The following PTCHD1 variants were observed in gnomAD, a reference collection of about 807,000 sequenced individuals.
The protein encoded by PTCHD1 is patched domain-containing protein 1.
In PTCHD1, 3 loss-of-function variants were observed where a neutral mutation model predicts 34.6. The observed-to-expected ratio is 0.09, with a 90% CI of 0.04 to 0.22. PTCHD1 has a LOEUF of 0.22. Ranked by LOEUF, PTCHD1 falls within the 10% of genes least tolerant of loss-of-function variation. PTCHD1 has a pLI of 1.00. For synonymous variants in PTCHD1, 305 were observed against 283.1 expected, an observed-to-expected ratio of 1.08 and a Z score of -0.77; for missense variants, 504 against 685.5, an observed-to-expected ratio of 0.74 and a Z score of 2.96.
chrX:23,362,246 T>C (rs1416909155), intron 1 of PTCHD1, among the ~76,000 whole-genome samples: 2 of 112,355 alleles, frequency 1.8e-5, no homozygotes, highest in Non-Finnish European at 3.8e-5. Context: ...GAAGAGTGTT[T>C]TCCAACTTGG....
At chrX:23,376,853 G>A (rs1271527631) in intron 1 of PTCHD1, among the ~76,000 whole-genome samples, 3 of 112,301 alleles carry the variant, frequency 2.7e-5, no homozygotes, top group East Asian at 2.8e-4. Context: ...CCACTCTGTC[G>A]GAAAGTCAAG....
Position 23,335,051 on chromosome X carries a change from A to T in PTCHD1, c.176A>T (p.Gln59Leu). Residue 59 changes from glutamine (Q) to leucine (L), a missense_variant, in exon 1 of 3, where the codon CAG becomes CTG. Coordinates refer to ENST00000379361, the MANE Select transcript of PTCHD1 (RefSeq NM_173495.3). ...AGCGTGGAGCACCTGCTGGCGCCCCAGCACAGCCTGGCCAAGATCGAGCGC... is the reference window on the plus strand; with the variant it reads ...AGCGTGGAGCACCTGCTGGCGCCCCTGCACAGCCTGGCCAAGATCGAGCGC... Reference protein sequence around the residue: ...EESVEHLLAPQHSLAKIERNL... With the variant: ...EESVEHLLAPLHSLAKIERNL... The T allele has an allele frequency of 2.5e-6, 3 of 1,211,307 alleles. No homozygotes were observed. Among genetic ancestry groups the T allele is most frequent in the East Asian group, 3.0e-5 (1 of 33,783 alleles).
chrX:23,358,176 G>T (rs1921862330), intron 1 of PTCHD1, among the ~76,000 whole-genome samples: 1 of 111,697 alleles, frequency 9.0e-6, no homozygotes, highest in South Asian at 3.8e-4. Flanking sequence ...ATATACCCAG[G>T]AATGAGATCG....
rs1922413931 is a variant in PTCHD1, at chrX:23,376,355, G to C, written c.352-3236G>C. Among the ~76,000 whole-genome samples, 3 of 111,782 alleles carry C rather than the reference G, an allele frequency of 2.7e-5. No individual in the cohort carries two copies. In the South Asian group the frequency reaches 1.1e-3, roughly 43 times the overall value. On this transcript the variant is annotated intron_variant, in intron 1 of 2. Coordinates refer to ENST00000379361, the MANE Select transcript of PTCHD1 (RefSeq NM_173495.3). ...CGTCTCTTACCTAGTTCAATAACAA[G>C]CTTATATGGATCGCAGTTGTCCATT...
rs1923062915 is a variant in PTCHD1 at position 23,399,144 on chromosome X, G to C, written c.*4959G>C. 8.9e-6 allele frequency: 1 copy of C among 111,941 alleles called. No homozygotes were observed. Among genetic ancestry groups the C allele is most frequent in the African/African-American group, 3.3e-5 (1 of 30,752 alleles). The allele number at this position is 111,941 out of a possible 1,213,427, so 9.2% of individuals were successfully genotyped here. On this transcript the variant is annotated 3_prime_UTR_variant, in exon 3 of 3. Transcript: ENST00000379361. ...TCCTTCCAGAATGCTGACACCAGAT[G>C]AATCTTTGGTTAGAATTAAGCCTAC...
Position 23,397,492 on chromosome X carries a change from T to C in PTCHD1, c.*3307T>C, listed in dbSNP as rs1179941872. ...ATAAGTTTTACTTTGTTTTGGGTTT[T>C]GGAGTTTTTAGTTTCTTTGATGTTT... On this transcript the variant is annotated 3_prime_UTR_variant, in exon 3 of 3. Coordinates refer to ENST00000379361, the MANE Select transcript of PTCHD1 (RefSeq NM_173495.3). The C allele has an allele frequency of 8.9e-6, 1 of 112,151 alleles. No homozygotes were observed. Among genetic ancestry groups the C allele is most frequent in the Non-Finnish European group, 1.9e-5 (1 of 53,261 alleles). The allele number at this position is 112,151 out of a possible 1,213,427, so 9.2% of individuals were successfully genotyped here. A position where few individuals can be genotyped will look rare whatever the true frequency, so the allele number is the denominator to read the frequency against.
chrX:23,369,799 A>C (rs1404006784), intron 1 of PTCHD1, among the ~76,000 whole-genome samples: 1 of 111,738 alleles, frequency 8.9e-6, no homozygotes, highest in Non-Finnish European at 1.9e-5. Flanking sequence ...CTTGGAGCTT[A>C]TACTGGGATT....
intron 1 of PTCHD1, among the ~76,000 whole-genome samples, chrX:23,338,342 A>C (rs781027603): frequency 4.4e-5 from 5 of 112,663 alleles, no homozygotes; most frequent in Non-Finnish European, 9.4e-5. Flanking sequence ...CATGATGTTC[A>C]TCTCAAAGCA....
chrX:23,374,280 C>CAAAAA (rs752214252), intron 1 of PTCHD1, among the ~76,000 whole-genome samples: 14 of 24,540 alleles, frequency 5.7e-4, no homozygotes, highest in Non-Finnish European at 9.2e-4. Flanking sequence ...GAAACAAATA[C>CAAAAA]AAAAAAAAAA....
chrX:23,377,606 G>A (rs893597947), intron 1 of PTCHD1, among the ~76,000 whole-genome samples: 1 of 109,423 alleles, frequency 9.1e-6, no homozygotes, highest in Non-Finnish European at 1.9e-5. Flanking sequence ...GTGTGTGTGT[G>A]TGTGTGTGTG....
At chrX:23,342,917 G>A (rs1457279619) in intron 1 of PTCHD1, among the ~76,000 whole-genome samples, 1 of 112,005 alleles carries the variant, frequency 8.9e-6, no homozygotes, top group East Asian at 2.8e-4. Context: ...ATGCAGAGCT[G>A]TAGACTCTTA....
Position 23,379,482 on chromosome X carries a change from A to G in PTCHD1, c.352-109A>G, listed in dbSNP as rs1262342536. 3 of 819,060 alleles carry G rather than the reference A, an allele frequency of 3.7e-6. No individual in the cohort carries two copies. In the East Asian group the frequency reaches 1.0e-4, roughly 27 times the overall value. 67.5% of individuals were successfully genotyped at this position (819,060 alleles called of 1,213,427 possible). On this transcript the variant is annotated intron_variant, in intron 1 of 2. Transcript: ENST00000379361. Reference sequence around the variant, plus strand: ...TACTACCTATTTCTGATCTAGGTTTATAACATTTGATTTGAACTGTTTAGC... The same window carrying G: ...TACTACCTATTTCTGATCTAGGTTTGTAACATTTGATTTGAACTGTTTAGC...
chrX:23,389,051 T>C (rs1261295372), intron 2 of PTCHD1, among the ~76,000 whole-genome samples: 1 of 111,815 alleles, frequency 8.9e-6, no homozygotes, highest in Non-Finnish European at 1.9e-5. Flanking sequence ...TACCTGCCAT[T>C]TCCTCTTTAT....
chrX:23,357,764 A>G (rs1921847459), intron 1 of PTCHD1, among the ~76,000 whole-genome samples: 1 of 110,551 alleles, frequency 9.0e-6, no homozygotes, highest in South Asian at 3.9e-4. Context: ...ACACCCATCA[A>G]CCCGTCATTT....
chrX:23,370,659 C>T (rs1466408050), intron 1 of PTCHD1, among the ~76,000 whole-genome samples: 1 of 111,714 alleles, frequency 9.0e-6, no homozygotes, highest in Non-Finnish European at 1.9e-5. Context: ...CCATAATTTC[C>T]ATTGTTCTCA....
chrX:23,398,044 G>A lies in PTCHD1; in HGVS notation c.*3859G>A, dbSNP rs977142822. 3 of 111,468 alleles carry A rather than the reference G, an allele frequency of 2.7e-5. No individual in the cohort carries two copies. Among genetic ancestry groups the A allele is most frequent in the Non-Finnish European group, 3.8e-5 (2 of 53,149 alleles). The allele number at this position is 111,468 out of a possible 1,213,427, so 9.2% of individuals were successfully genotyped here. Reference sequence around the variant, plus strand: ...GCCAAATATCGCCCAGATACTGTTCGAGAGGCTGGGGACACAACAGTCAAC... The same window carrying A: ...GCCAAATATCGCCCAGATACTGTTCAAGAGGCTGGGGACACAACAGTCAAC... On this transcript the variant is annotated 3_prime_UTR_variant, in exon 3 of 3. Coordinates refer to ENST00000379361, the MANE Select transcript of PTCHD1 (RefSeq NM_173495.3).
intron 1 of PTCHD1, among the ~76,000 whole-genome samples, chrX:23,355,654 C>T (rs920005248): frequency 8.9e-6 from 1 of 112,425 alleles, no homozygotes; most frequent in Non-Finnish European, 1.9e-5. Flanking sequence ...ATGTTATTTA[C>T]AAGGTAAAAG....
intron 1 of PTCHD1, among the ~76,000 whole-genome samples, chrX:23,377,527 AAAAC>A (rs1304139715): frequency 9.0e-6 from 1 of 111,110 alleles, no homozygotes. Context: ...CCAAAGCATC[AAAAC>A]AAACATTTAG....
In PTCHD1 at chrX:23,351,255, A is replaced by G. The variant is rs1404416020; in HGVS notation, c.351+16029A>G. 3 of 783,457 alleles carry G rather than the reference A, an allele frequency of 3.8e-6. No homozygotes were observed. The East Asian group carries it at 9.5e-5, about 25-fold the overall frequency. The allele number at this position is 783,457 out of a possible 1,213,427, so 64.6% of individuals were successfully genotyped here. On this transcript the variant is annotated intron_variant, in intron 1 of 2. Transcript: ENST00000379361. The stretch of plus-strand genomic sequence containing the variant: ...AGACTCCTGTAGGTAATGCTGCTCT[A>G]TCCTCAGTTGACTCATTCACTCTGT...
Sources: allele counts gnomAD v4.1 joint callset (sites outside exome capture counted in the v4.1 genomes callset), GRCh38; gene constraint gnomAD v4.1.1; transcripts MANE v1.5; gene names NCBI Gene and HGNC (gene_info 2026-07-23, HGNC 2026-07-21).